Variants in KCNJ6 observed in about 807,000 individuals in gnomAD.
KCNJ6 encodes potassium inwardly rectifying channel subfamily J member 6.
KCNJ6 carries 9 observed loss-of-function variants against 34.2 expected under a neutral mutation model. The observed-to-expected ratio is 0.26, with a 90% CI of 0.16 to 0.46. KCNJ6 has a LOEUF of 0.46. Among genes scored for constraint, KCNJ6 ranks in the 20% least tolerant of loss-of-function variants. The probability of loss-of-function intolerance (pLI) is 1.00; values close to 1 mark genes in which losing one functional copy is unlikely to be tolerated. For missense variants in KCNJ6, 236 were observed against 531.3 expected, an observed-to-expected ratio of 0.44 and a Z score of 5.46; for synonymous variants, 196 against 207.1, an observed-to-expected ratio of 0.95 and a Z score of 0.46.
intron 2 of KCNJ6, among the ~76,000 whole-genome samples, chr21:37,789,986 G>A (rs1196122056): frequency 6.6e-6 from 1 of 152,170 alleles, no homozygotes; most frequent in East Asian, 1.9e-4. Flanking sequence ...TGGGGGAAGA[G>A]CCAGAGATCT....
chr21:37,760,221 G>A (rs2055053815), intron 2 of KCNJ6, among the ~76,000 whole-genome samples: 2 of 152,298 alleles, frequency 1.3e-5, no homozygotes, highest in East Asian at 1.9e-4. Flanking sequence ...AATGTCTCCT[G>A]CTACTTTAAG....
intron 2 of KCNJ6, among the ~76,000 whole-genome samples, chr21:37,802,820 C>G (rs2055275547): frequency 6.6e-6 from 1 of 152,164 alleles, no homozygotes; most frequent in African/African-American, 2.4e-5. Flanking sequence ...CATGGGCAAA[C>G]AGACCTGCTT....
chr21:37,797,659 T>G (rs2055250097), intron 2 of KCNJ6, among the ~76,000 whole-genome samples: 1 of 152,092 alleles, frequency 6.6e-6, no homozygotes, highest in Non-Finnish European at 1.5e-5. Context: ...TGCCAGATAC[T>G]CACTTTTCAA....
chr21:37,715,281 A>T (rs938191830), intron 2 of KCNJ6, 150 bp from the exon 3 acceptor site: 4 of 676,220 alleles, frequency 5.9e-6, no homozygotes, highest in South Asian at 1.9e-5. Context: ...ATTCCACACC[A>T]TCTGGATAGG....
chr21:37,669,068 T>C (rs1011555968), intron 3 of KCNJ6, among the ~76,000 whole-genome samples: 5 of 152,194 alleles, frequency 3.3e-5, no homozygotes, highest in Non-Finnish European at 7.3e-5. Flanking sequence ...AGACTTCATC[T>C]ACATAACAAG....
chr21:37,645,896 AC>A (rs983380284), intron 3 of KCNJ6, among the ~76,000 whole-genome samples: 9 of 626 alleles, frequency 0.014, no homozygotes, highest in Admixed American at 0.11. Flanking sequence ...GAAGTCCCTC[AC>A]TTCTTCGGAC....
At chr21:37,630,682 T>C (rs1237880862) in intron 3 of KCNJ6, among the ~76,000 whole-genome samples, 3 of 152,200 alleles carry the variant, frequency 2.0e-5, no homozygotes, top group Non-Finnish European at 4.4e-5. Context: ...ATTATACATA[T>C]TGATGGTGTA....
At chr21:37,774,026 A>G (rs183552005) in intron 2 of KCNJ6, among the ~76,000 whole-genome samples, 70 of 152,266 alleles carry the variant, frequency 4.6e-4, no homozygotes, top group Non-Finnish European at 7.9e-4. Context: ...TGCTCTCTAC[A>G]TCACACTGAA....
intron 2 of KCNJ6, among the ~76,000 whole-genome samples, chr21:37,732,521 G>T (rs764007954): frequency 2.0e-5 from 3 of 152,158 alleles, no homozygotes; most frequent in Admixed American, 2.0e-4. Flanking sequence ...AGTGAGGAAC[G>T]GGGAAGCTAT....
At position 37,915,035 on chromosome 21, in the gene KCNJ6, T is replaced by C. The variant is rs58508829; in HGVS notation, c.-28+849A>G. Among the ~76,000 whole-genome samples, 612 of 152,112 alleles carry C rather than the reference T, an allele frequency of 4.0e-3. 3 individuals are homozygous for C. Among genetic ancestry groups the C allele is most frequent in the African/African-American group, 0.014 (588 of 41,486 alleles). On this transcript the variant is annotated intron_variant, in intron 1 of 3. Transcript: ENST00000609713. ...TGGCTGTTTCTATTAAGATATATTT[T>C]CCCCCTGACAATCTCTCCATATTGC...
At chr21:37,706,509 C>CT (rs1280284006) in intron 3 of KCNJ6, among the ~76,000 whole-genome samples, 1 of 152,186 alleles carries the variant, frequency 6.6e-6, no homozygotes, top group East Asian at 1.9e-4. Flanking sequence ...ACGGTGTGTC[C>CT]TATGTAGGGG....
intron 2 of KCNJ6, among the ~76,000 whole-genome samples, chr21:37,803,492 C>T (rs2055279393): frequency 6.6e-6 from 1 of 152,164 alleles, no homozygotes; most frequent in Admixed American, 6.5e-5. Context: ...GAGCATTTAT[C>T]ATAATTCCTG....
intron 1 of KCNJ6, among the ~76,000 whole-genome samples, chr21:37,843,785 C>T (rs2055492480): frequency 6.6e-6 from 1 of 152,202 alleles, no homozygotes; most frequent in Non-Finnish European, 1.5e-5. Context: ...GGGAGCTGAT[C>T]TCTTTCCCTT....
chr21:37,883,415 AG>A (rs2055719771), intron 1 of KCNJ6, among the ~76,000 whole-genome samples: 1 of 152,162 alleles, frequency 6.6e-6, no homozygotes, highest in Non-Finnish European at 1.5e-5. Flanking sequence ...TACCCCTTTT[AG>A]CCCCAGCAGG....
intron 2 of KCNJ6, among the ~76,000 whole-genome samples, chr21:37,744,783 G>A (rs2054958957): frequency 1.3e-5 from 2 of 152,142 alleles, no homozygotes; most frequent in African/African-American, 2.4e-5. Context: ...GGGTGTGTAA[G>A]GATTTCACTG....
intron 2 of KCNJ6, among the ~76,000 whole-genome samples, chr21:37,767,676 A>G (rs1199468017): frequency 6.6e-6 from 1 of 152,206 alleles, no homozygotes; most frequent in Non-Finnish European, 1.5e-5. Context: ...ATGATTTAAG[A>G]CTGTGTCATG....
At chr21:37,832,715 G>T (rs1601492598) in intron 2 of KCNJ6, among the ~76,000 whole-genome samples, 1 of 152,154 alleles carries the variant, frequency 6.6e-6, no homozygotes, top group Admixed American at 6.5e-5. Context: ...CTGGTGGGGG[G>T]CGGGGAAGCT....
intron 2 of KCNJ6, among the ~76,000 whole-genome samples, chr21:37,755,861 C>A (rs1463785951): frequency 1.3e-5 from 2 of 152,242 alleles, no homozygotes; most frequent in African/African-American, 4.8e-5. Flanking sequence ...TCACACTGCA[C>A]CTTGGCCTTT....
chr21:37,873,200 T>C (rs1185020527), intron 1 of KCNJ6, among the ~76,000 whole-genome samples: 2 of 152,166 alleles, frequency 1.3e-5, no homozygotes, highest in Non-Finnish European at 2.9e-5. Context: ...ATCCCAGCCA[T>C]GCATGCGCTG....
Sources: allele counts gnomAD v4.1 joint callset (sites outside exome capture counted in the v4.1 genomes callset), GRCh38; gene constraint gnomAD v4.1.1; transcripts MANE v1.5; gene names NCBI Gene and HGNC (gene_info 2026-07-23, HGNC 2026-07-21).